The following KHDRBS3 variants were observed in gnomAD, a reference collection of about 807,000 sequenced individuals.
The protein encoded by KHDRBS3 is KH RNA binding domain containing, signal transduction associated 3, also known as KH domain-containing, RNA-binding, signal transduction-associated protein 3.
In KHDRBS3, 23 loss-of-function variants were observed where a neutral mutation model predicts 45.6. The ratio of observed to expected loss-of-function variants is 0.50; its 90% confidence interval spans 0.36 to 0.72. KHDRBS3 has a LOEUF of 0.72. KHDRBS3 is among the 30% of genes least tolerant of loss of function. The pLI is 0.00. For missense variants in KHDRBS3, 352 were observed against 424.8 expected, an observed-to-expected ratio of 0.83 and a Z score of 1.51; for synonymous variants, 162 against 156.5, an observed-to-expected ratio of 1.04 and a Z score of -0.26.
In KHDRBS3 at chr8:135,550,461, G is replaced by A. The variant is rs147504171; in HGVS notation, c.471+1561G>A. ...TTCTAGATGGATATCAGTTGTCCTA[G>A]CACCATATGTTGAAAAGACAATCAT... is the stretch of plus-strand genomic sequence containing the variant. On this transcript the variant is annotated intron_variant, in intron 4 of 8. Coordinates refer to ENST00000355849, the MANE Select transcript of KHDRBS3 (RefSeq NM_006558.3). 2.2e-3 allele frequency among the ~76,000 whole-genome samples: 342 copies of A among 152,170 alleles called. 1 individual carries two copies. Among genetic ancestry groups the A allele is most frequent in the Non-Finnish European group, 4.2e-3 (285 of 67,998 alleles).
intron 1 of KHDRBS3, among the ~76,000 whole-genome samples, chr8:135,480,897 G>A (rs999537954): frequency 6.6e-6 from 1 of 151,958 alleles, no homozygotes; most frequent in Admixed American, 6.6e-5. Context: ...TTTCCAATTT[G>A]GGAATTATTA....
chr8:135,556,431 C>G (rs553386284), intron 4 of KHDRBS3, among the ~76,000 whole-genome samples: 1 of 152,194 alleles, frequency 6.6e-6, no homozygotes, highest in South Asian at 2.1e-4. Context: ...GCCATTCTAA[C>G]TGGTGTGAGA....
At chr8:135,578,395 T>G (rs928430455) in intron 5 of KHDRBS3, among the ~76,000 whole-genome samples, 2 of 152,206 alleles carry the variant, frequency 1.3e-5, no homozygotes, top group African/African-American at 4.8e-5. Flanking sequence ...AGTTGATTTT[T>G]GTGAAATATG....
At chr8:135,652,534 T>C (rs1448722527), downstream of KHDRBS3, among the ~76,000 whole-genome samples, 3 of 152,318 alleles carry the variant, frequency 2.0e-5, no homozygotes, top group Non-Finnish European at 4.4e-5. Flanking sequence ...GAAAACCATC[T>C]AGAGCTTTTC....
At chr8:135,513,061 G>A (rs551276572) in intron 1 of KHDRBS3, among the ~76,000 whole-genome samples, 74 of 152,176 alleles carry the variant, frequency 4.9e-4, no homozygotes, top group South Asian at 1.2e-3. Context: ...TTAGCTGGGC[G>A]CAGTGGCAGG....
At chr8:135,633,021 A>C (rs914952210) in intron 7 of KHDRBS3, among the ~76,000 whole-genome samples, 2 of 133,782 alleles carry the variant, frequency 1.5e-5, no homozygotes, top group African/African-American at 5.7e-5. Context: ...TAACAATCTT[A>C]GTTCAGTTCT....
chr8:135,514,686 A>G (rs1824477198), intron 1 of KHDRBS3, among the ~76,000 whole-genome samples: 1 of 152,208 alleles, frequency 6.6e-6, no homozygotes, highest in Non-Finnish European at 1.5e-5. Context: ...TTGACTATAA[A>G]TTTTATGGTT....
chr8:135,628,330 G>C (rs1270448925), intron 7 of KHDRBS3, among the ~76,000 whole-genome samples: 1 of 152,082 alleles, frequency 6.6e-6, no homozygotes, highest in African/African-American at 2.4e-5. Flanking sequence ...TGGGTGCTCT[G>C]TAAATATCTG....
chr8:135,515,162 T>G (rs983089602), intron 1 of KHDRBS3, among the ~76,000 whole-genome samples: 39 of 151,622 alleles, frequency 2.6e-4, no homozygotes, highest in African/African-American at 8.7e-4. Flanking sequence ...GTCAGGAGAT[T>G]GAGACCATCC....
chr8:135,496,573 A>G (rs113937288), intron 1 of KHDRBS3, among the ~76,000 whole-genome samples: 17 of 152,184 alleles, frequency 1.1e-4, no homozygotes, highest in African/African-American at 3.6e-4. Context: ...TTGAAAAAAA[A>G]AAAGTCTGTA....
chr8:135,564,985 G>C (rs1404844033), intron 5 of KHDRBS3, among the ~76,000 whole-genome samples: 1 of 152,102 alleles, frequency 6.6e-6, no homozygotes, highest in South Asian at 2.1e-4. Flanking sequence ...TTTACCCTAG[G>C]GTTTTTAAAG....
chr8:135,535,578 A>G (rs1825706875), intron 2 of KHDRBS3, among the ~76,000 whole-genome samples: 1 of 151,838 alleles, frequency 6.6e-6, no homozygotes, highest in African/African-American at 2.4e-5. Flanking sequence ...TTATATATTT[A>G]TATGTGTGTT....
intron 5 of KHDRBS3, among the ~76,000 whole-genome samples, chr8:135,573,118 C>G (rs1469876069): frequency 6.6e-6 from 1 of 152,166 alleles, no homozygotes; most frequent in Non-Finnish European, 1.5e-5. Context: ...TTGCAGGCCC[C>G]ACTCTGTAGT....
intron 7 of KHDRBS3, among the ~76,000 whole-genome samples, chr8:135,621,794 C>T (rs1350536178): frequency 1.3e-5 from 2 of 151,800 alleles, no homozygotes; most frequent in Non-Finnish European, 2.9e-5. Flanking sequence ...CTGCAGCCTA[C>T]GGTGCCTAGG....
chr8:135,492,508 T>C (rs545402378), intron 1 of KHDRBS3, among the ~76,000 whole-genome samples: 3 of 77,944 alleles, frequency 3.8e-5, no homozygotes, highest in East Asian at 3.1e-3. Flanking sequence ...AGTTTACATA[T>C]ATATATACAT....
Position 135,629,453 on chromosome 8 carries a change from T to C in KHDRBS3, c.891-15606T>C, listed in dbSNP as rs191450447. ...TTCATTCCTTCTATCAGTGTCTTTA[T>C]TGAGCACCTTTTATGTCTGAAACAC... On this transcript the variant is annotated intron_variant, in intron 7 of 8. Transcript: ENST00000355849. Among the ~76,000 whole-genome samples the C allele has an allele frequency of 1.4e-3, 209 of 152,336 alleles. 1 individual carries two copies. The highest frequency in any genetic ancestry group is 4.7e-3 in the African/African-American group (195 of 41,582).
chr8:135,600,356 T>G (rs558044232), intron 6 of KHDRBS3, among the ~76,000 whole-genome samples: 1 of 152,350 alleles, frequency 6.6e-6, no homozygotes, highest in East Asian at 1.9e-4. Context: ...TGAAGAATTC[T>G]GAATGATTCT....
intron 4 of KHDRBS3, 104 bp downstream of exon 4, chr8:135,549,004 T>C (rs1586703005): frequency 1.4e-6 from 1 of 733,974 alleles, no homozygotes; most frequent in East Asian, 3.0e-5. Context: ...CCTTTTCTGC[T>C]GTAAAGCTGT....
intron 7 of KHDRBS3, among the ~76,000 whole-genome samples, chr8:135,631,252 GAAAAAAA>G (rs35613635): frequency 1.5e-3 from 109 of 74,992 alleles, no homozygotes; most frequent in Middle Eastern, 0.021. Context: ...CTCCGTCTCG[GAAAAAAA>G]AAAAAAAAAA....
Sources: gnomAD v4.1 joint callset for allele counts (sites outside exome capture counted in the v4.1 genomes callset) on GRCh38, gnomAD v4.1.1 for gene constraint, MANE v1.5 for transcripts, NCBI Gene and HGNC (gene_info 2026-07-23, HGNC 2026-07-21) for gene names.